SERPINB2: variants seen among roughly 807,000 people sequenced by gnomAD.
SERPINB2 encodes plasminogen activator inhibitor 2.
SERPINB2 carries 28 observed loss-of-function variants against 39.4 expected under a neutral mutation model. The ratio of observed to expected loss-of-function variants is 0.71; its 90% confidence interval spans 0.53 to 0.97. The LOEUF is 0.97. SERPINB2 is among the 50% of genes least tolerant of loss of function. SERPINB2 has a pLI of 0.00. For missense variants in SERPINB2, 557 were observed against 505.3 expected (o/e 1.10, Z -0.98); for synonymous variants, 209 against 175.1 (o/e 1.19, Z -1.53).
Position 63,901,721 on chromosome 18 carries a change from T to C in SERPINB2, c.536-19T>C, listed in dbSNP as rs780358246. The C allele has an allele frequency of 3.3e-6, 5 of 1,511,040 alleles. No individual in the cohort carries two copies. Among genetic ancestry groups the C allele is most frequent in the Non-Finnish European group, 4.4e-6 (5 of 1,136,872 alleles). 93.6% of individuals were successfully genotyped at this position (1,511,040 alleles called of 1,614,324 possible). ...AGTTCTTGATTATGAAACCTAAATATATGTTATGTTTTCTGTAGGCAAAAT... is the reference window on the plus strand; with the variant it reads ...AGTTCTTGATTATGAAACCTAAATACATGTTATGTTTTCTGTAGGCAAAAT... On this transcript the variant is annotated intron_variant, in intron 5 of 7. Transcript: ENST00000299502.
intron 2 of SERPINB2, among the ~76,000 whole-genome samples, chr18:63,894,084 G>T (rs1031563436): frequency 1.3e-4 from 20 of 152,256 alleles, no homozygotes; most frequent in Middle Eastern, 3.4e-3. Context: ...TTTCTCTGTG[G>T]CCTTTGTGTG....
chr18:63,892,132 C>T (rs1048745052), intron 2 of SERPINB2, among the ~76,000 whole-genome samples: 2 of 151,556 alleles, frequency 1.3e-5, no homozygotes, highest in African/African-American at 2.4e-5. Context: ...AAAAACATAC[C>T]AGGGTGGTGC....
intron 3 of SERPINB2, among the ~76,000 whole-genome samples, chr18:63,896,551 A>G (rs1431014308): frequency 6.6e-6 from 1 of 152,266 alleles, no homozygotes; most frequent in East Asian, 1.9e-4. Context: ...CTATACCTAT[A>G]CATTGTGAAA....
intron 1 of SERPINB2, among the ~76,000 whole-genome samples, chr18:63,889,343 ATTAATT>A (rs1281141750): frequency 2.6e-5 from 4 of 152,168 alleles, no homozygotes; most frequent in Non-Finnish European, 4.4e-5. Flanking sequence ...TTCTGTTCTT[ATTAATT>A]TTTTTCTTTA....
In SERPINB2 at chr18:63,897,365, C is replaced by T. The variant is rs180983189; in HGVS notation, c.417+146C>T. ...TAGGGCTGGCCTTGCGTAACAGCTG[C>T]CCTTCCTGTACCCTCTGGGGCTTCC... On this transcript the variant is annotated intron_variant, in intron 4 of 7. Transcript: ENST00000299502. 4,145 of 861,190 alleles carry T rather than the reference C, an allele frequency of 4.8e-3. 17 individuals are homozygous for T. The highest frequency in any genetic ancestry group is 6.3e-3 in the Non-Finnish European group (3,582 of 569,754). 53.3% of individuals were successfully genotyped at this position (861,190 alleles called of 1,614,324 possible).
chr18:63,902,877 GT>G (rs774998841), intron 7 of SERPINB2, 23 bp from the exon 8 acceptor site: 4 of 1,522,114 alleles, frequency 2.6e-6, no homozygotes, highest in African/African-American at 1.4e-5. Context: ...TCTTTTGTTT[GT>G]TTTGTTTTGT....
At chr18:63,902,252 C>T (rs1259017773) in intron 6 of SERPINB2, 152 bp from the exon 7 acceptor site, 2 of 621,470 alleles carry the variant, frequency 3.2e-6, no homozygotes, top group Admixed American at 3.6e-5. Context: ...TCAGAGTACC[C>T]ACTGTAAGGA....
At position 63,902,416 on chromosome 18, in the gene SERPINB2, C is replaced by T. The variant is rs2049997590; in HGVS notation, c.691C>T (p.Pro231Ser). 6.2e-7 allele frequency: 1 copy of T among 1,611,760 alleles called. No homozygotes were observed. The highest frequency in any genetic ancestry group is 8.5e-7 in the Non-Finnish European group (1 of 1,178,794). Residue 231 changes from proline to serine, a missense_variant, in exon 7 of 8, where the codon CCT (proline) becomes TCT (serine). Pro to Ser is a moderately conservative substitution (Grantham distance 74). Transcript: ENST00000299502. ...TTAATAATATTAGGCTCAGCGCACA[C>T]CTGTACAGATGATGTACTTGCGTGA... is the stretch of plus-strand genomic sequence containing the variant. Reference protein sequence around the residue: ...PFRVNSAQRTPVQMMYLREKL... With the variant: ...PFRVNSAQRTSVQMMYLREKL...
intron 3 of SERPINB2, 50 bp downstream of exon 3, chr18:63,895,433 T>C: frequency 6.2e-7 from 1 of 1,612,458 alleles, no homozygotes; most frequent in Non-Finnish European, 8.5e-7. Context: ...TTTTGCAATC[T>C]TCCTGTCTTA....
Position 63,902,516 on chromosome 18 carries a change from T to G in SERPINB2, c.791T>G (p.Met264Arg). The G allele has an allele frequency of 6.2e-7, 1 of 1,613,680 alleles. No homozygotes were observed. The change falls in exon 7 of 8, where the codon ATG (methionine) becomes AGG (arginine). Residue 264 changes from methionine (M) to arginine (R), a missense_variant. Transcript: ENST00000299502. ...LELPYAGDVS[M>R]FLLLPDEIAD... ...CTCCCATATGCTGGAGATGTTAGCA[T>G]GTTCTTGTTGCTTCCAGATGAAATT...
chr18:63,892,477 C>T (rs9630856), intron 2 of SERPINB2: 40,217 of 152,110 alleles, frequency 0.26, 5,774 homozygotes, highest in East Asian at 0.48. Context: ...TTAGTGACCT[C>T]GATGTGGCCA....
chr18:63,892,233 T>G (rs17071980), intron 2 of SERPINB2, among the ~76,000 whole-genome samples: 7,157 of 152,184 alleles, frequency 0.047, 582 homozygotes, highest in African/African-American at 0.16. Flanking sequence ...CTGGCATTAT[T>G]ATGGCCAGCC....
intron 2 of SERPINB2, chr18:63,892,742 T>C (rs1419918978): frequency 6.6e-6 from 1 of 152,150 alleles, no homozygotes; most frequent in Non-Finnish European, 1.5e-5. Context: ...AAGGGATGGG[T>C]GAATCAATCT....
rs77246255 is a variant in SERPINB2, at chr18:63,896,708, C to T, written c.289-383C>T. Among the ~76,000 whole-genome samples the T allele has an allele frequency of 4.8e-3, 729 of 152,252 alleles. 8 individuals carry two copies. Among genetic ancestry groups the T allele is most frequent in the African/African-American group, 0.016 (677 of 41,554 alleles). The stretch of plus-strand genomic sequence containing the variant: ...TTTATTAACTATAACTATTAATGAA[C>T]ACAATCTTATTAACTATAGTCATTA... On this transcript the variant is annotated intron_variant, in intron 3 of 7. Coordinates refer to ENST00000299502, the MANE Select transcript of SERPINB2 (RefSeq NM_002575.3).
chr18:63,892,720 C>T (rs2049934712), intron 2 of SERPINB2: 1 of 152,162 alleles, frequency 6.6e-6, no homozygotes, highest in African/African-American at 2.4e-5. Flanking sequence ...GCCAATATTG[C>T]TGCAGGAAGA....
intron 3 of SERPINB2, 95 bp downstream of exon 3, chr18:63,895,478 T>C (rs1427844229): frequency 2.1e-6 from 3 of 1,446,046 alleles, no homozygotes; most frequent in Middle Eastern, 3.5e-4. Flanking sequence ...GAAGCGAATA[T>C]ACCCTCCCCC....
Position 63,903,445 on chromosome 18 carries a change from A to G in SERPINB2, c.*140A>G. On this transcript the variant is annotated 3_prime_UTR_variant, in exon 8 of 8. Transcript: ENST00000299502. ...AACAACTTCTGCTACCCACTAAATA[A>G]AAACACAGAAATAATTAGACAATTG... 2.9e-6 allele frequency: 2 copies of G among 691,896 alleles called. No individual in the cohort carries two copies. The highest frequency in any genetic ancestry group is 4.3e-6 in the Non-Finnish European group (2 of 465,730). 42.9% of individuals were successfully genotyped at this position (691,896 alleles called of 1,614,324 possible).
chr18:63,896,933 G>A (rs548307719), intron 3 of SERPINB2, among the ~76,000 whole-genome samples, 158 bp from the exon 4 acceptor site: 79 of 152,228 alleles, frequency 5.2e-4, no homozygotes, highest in African/African-American at 1.9e-3. Flanking sequence ...CATCCTTATC[G>A]AAATGATTTT....
At chr18:63,897,588 ACCTGCCTT>A in intron 4 of SERPINB2, 131 bp from the exon 5 acceptor site, 1 of 741,942 alleles carries the variant, frequency 1.3e-6, no homozygotes, top group Non-Finnish European at 2.4e-6. Context: ...CCCCTTCAGC[ACCTGCCTT>A]CCATAGCCAA....
Sources: allele counts gnomAD v4.1 joint callset (sites outside exome capture counted in the v4.1 genomes callset), GRCh38; gene constraint gnomAD v4.1.1; transcripts MANE v1.5; gene names NCBI Gene and HGNC (gene_info 2026-07-23, HGNC 2026-07-21).